Variants in CDC23 observed in about 807,000 individuals in gnomAD.
The protein encoded by CDC23 is cell division cycle protein 23 homolog.
CDC23 carries 26 observed loss-of-function variants against 81.7 expected under a neutral mutation model. That is an observed-to-expected ratio of 0.32 (90% confidence interval 0.23 to 0.44). The LOEUF is 0.44. Among genes scored for constraint, CDC23 ranks in the 20% least tolerant of loss-of-function variants. The probability of loss-of-function intolerance (pLI) is 1.00; values close to 1 mark genes in which losing one functional copy is unlikely to be tolerated. For missense variants in CDC23, 519 were observed against 728.0 expected (o/e 0.71, Z 3.30); for synonymous variants, 267 against 270.8 (o/e 0.99, Z 0.14).
intron 6 of CDC23, among the ~76,000 whole-genome samples, chr5:138,199,900 TG>T (rs1309721436): frequency 6.6e-6 from 1 of 152,192 alleles, no homozygotes; most frequent in Non-Finnish European, 1.5e-5. Context: ...AAATCACTAC[TG>T]GGGGAAATCA....
Position 138,191,907 on chromosome 5 carries a change from T to C in CDC23, c.1317A>G (p.Leu439=), listed in dbSNP as rs778418885. The C allele has an allele frequency of 1.9e-6, 3 of 1,614,158 alleles. No homozygotes were observed. In the South Asian group the frequency reaches 3.3e-5, roughly 18 times the overall value. The change falls in exon 12 of 16, where the codon TTA becomes TTG. Residue 439 remains leucine, a synonymous_variant. Transcript: ENST00000394886. The part of the protein sequence containing the change: ...RPNDSRMLVA[L]GECYEKLNQL... ...GATTGAGTTTCTCGTAACATTCTCC[T>C]AAAGCAACCAGCATGCGAGAATCAT...
At chr5:138,201,303 G>A in intron 5 of CDC23, 40 bp downstream of exon 5, 1 of 1,612,920 alleles carries the variant, frequency 6.2e-7, no homozygotes, top group Non-Finnish European at 8.5e-7. Flanking sequence ...CTACTCAGGA[G>A]AATATGTTAC....
At chr5:138,202,222 T>C in intron 3 of CDC23, 67 bp from the exon 4 acceptor site, 1 of 1,249,940 alleles carries the variant, frequency 8.0e-7, no homozygotes, top group Middle Eastern at 2.2e-4. Context: ...AAAACTAGCA[T>C]CCTGATCCTA....
At chr5:138,211,049 C>CA (rs1755106669) in intron 2 of CDC23, among the ~76,000 whole-genome samples, 1 of 151,982 alleles carries the variant, frequency 6.6e-6, no homozygotes, top group Non-Finnish European at 1.5e-5. Context: ...ATTATTCTAC[C>CA]AAAAAAACAT....
chr5:138,210,732 A>G (rs1446746810), intron 2 of CDC23, among the ~76,000 whole-genome samples: 3 of 152,230 alleles, frequency 2.0e-5, no homozygotes, highest in Non-Finnish European at 2.9e-5. Context: ...ACAAACCAAT[A>G]GCTAATACTT....
chr5:138,196,528 C>T (rs1754908770), intron 9 of CDC23, among the ~76,000 whole-genome samples: 1 of 151,404 alleles, frequency 6.6e-6, no homozygotes, highest in Non-Finnish European at 1.5e-5. Context: ...ACCTTATGAT[C>T]CACCCGCCTT....
At chr5:138,195,763 A>ATT (rs1300113448) in intron 9 of CDC23, among the ~76,000 whole-genome samples, 6 of 77,002 alleles carry the variant, frequency 7.8e-5, no homozygotes, top group Admixed American at 1.9e-4. Context: ...ATATACATAT[A>ATT]TTATATATGT....
intron 4 of CDC23, among the ~76,000 whole-genome samples, chr5:138,201,719 T>C (rs1754992084): frequency 6.6e-6 from 1 of 152,178 alleles, no homozygotes; most frequent in Admixed American, 6.6e-5. Flanking sequence ...AAACACAAGG[T>C]ACCAATGATA....
chr5:138,198,577 T>A, intron 7 of CDC23, 28 bp downstream of exon 7: 1 of 1,613,048 alleles, frequency 6.2e-7, no homozygotes, highest in East Asian at 2.2e-5. Flanking sequence ...CAGGGTCTGA[T>A]AGTATTTCAT....
chr5:138,196,496 C>A (rs1480994209), intron 9 of CDC23, among the ~76,000 whole-genome samples: 3 of 151,334 alleles, frequency 2.0e-5, no homozygotes, highest in Admixed American at 2.0e-4. Flanking sequence ...TCCATGTTGG[C>A]CAGGCTGGTC....
intron 3 of CDC23, among the ~76,000 whole-genome samples, chr5:138,205,429 G>A (rs764523047): frequency 1.2e-4 from 19 of 152,104 alleles, no homozygotes; most frequent in Non-Finnish European, 2.6e-4. Flanking sequence ...AAATAAGCCA[G>A]TCACAAAGAG....
At chr5:138,204,504 CAAAA>C (rs200166996) in intron 3 of CDC23, among the ~76,000 whole-genome samples, 2 of 106,126 alleles carry the variant, frequency 1.9e-5, no homozygotes. Context: ...GACTCCATTT[CAAAA>C]AAAAAAAAAA....
At chr5:138,198,151 C>G (rs1407804600) in intron 9 of CDC23, 48 bp downstream of exon 9, 1 of 1,369,842 alleles carries the variant, frequency 7.3e-7, no homozygotes. Flanking sequence ...ACATGTGTTA[C>G]TTATAATAAA....
At position 138,188,848 on chromosome 5, in the gene CDC23, C is replaced by A. The variant is rs1581481577; in HGVS notation, c.*130G>T. On this transcript the variant is annotated 3_prime_UTR_variant, in exon 16 of 16. Coordinates refer to ENST00000394886, the MANE Select transcript of CDC23 (RefSeq NM_004661.4). ...CTCTGAAGGTAATTATACAAGCTGT[C>A]CCTATGGAGCTGTTGCCATCTGTAG... is the stretch of plus-strand genomic sequence containing the variant. The A allele has an allele frequency of 9.1e-6, 7 of 766,456 alleles. No individual in the cohort carries two copies. The East Asian group carries it at 2.0e-4, about 22-fold the overall frequency. 47.5% of individuals were successfully genotyped at this position (766,456 alleles called of 1,614,324 possible).
At chr5:138,203,473 A>T (rs1374039696) in intron 3 of CDC23, among the ~76,000 whole-genome samples, 4 of 152,192 alleles carry the variant, frequency 2.6e-5, no homozygotes, top group Non-Finnish European at 5.9e-5. Context: ...CAGGGAGGGA[A>T]GATTTATAAA....
At chr5:138,196,165 C>T (rs1187557033) in intron 9 of CDC23, among the ~76,000 whole-genome samples, 1 of 151,216 alleles carries the variant, frequency 6.6e-6, no homozygotes, top group African/African-American at 2.4e-5. Flanking sequence ...TGACTGTATG[C>T]AGAAATTTTA....
chr5:138,188,814 T>G lies in CDC23; in HGVS notation c.*164A>C, dbSNP rs140181510. On this transcript the variant is annotated 3_prime_UTR_variant, in exon 16 of 16. Transcript: ENST00000394886. The stretch of plus-strand genomic sequence containing the variant: ...AATGTCTGTTCCTGCCAGGATTCTG[T>G]CAGTTGGCCTCTGAAGGTAATTATA... 217 of 534,798 alleles carry G rather than the reference T, an allele frequency of 4.1e-4. No homozygotes were observed. Among genetic ancestry groups the G allele is most frequent in the African/African-American group, 4.0e-3 (208 of 51,400 alleles). 33.1% of individuals were successfully genotyped at this position (534,798 alleles called of 1,614,324 possible).
Position 138,198,801 on chromosome 5 carries a change from G to A in CDC23, c.655-19C>T. ...ACTTCAGCTGGCAGCAGGAGAGAGA[G>A]GGACACACTTAATATAACTTGACCT... is the stretch of plus-strand genomic sequence containing the variant. On this transcript the variant is annotated intron_variant, in intron 6 of 15. Coordinates refer to ENST00000394886, the MANE Select transcript of CDC23 (RefSeq NM_004661.4). The A allele has an allele frequency of 6.2e-7, 1 of 1,609,772 alleles. No individual in the cohort carries two copies. The highest frequency in any genetic ancestry group is 8.5e-7 in the Non-Finnish European group (1 of 1,178,604).
intron 3 of CDC23, 163 bp downstream of exon 3, chr5:138,206,384 C>G (rs1363557960): frequency 4.3e-6 from 3 of 704,252 alleles, no homozygotes; most frequent in Non-Finnish European, 7.4e-6. Context: ...CTCTACCATC[C>G]TTTTTAACTT....
Sources: gnomAD v4.1 joint callset for allele counts (sites outside exome capture counted in the v4.1 genomes callset) on GRCh38, gnomAD v4.1.1 for gene constraint, MANE v1.5 for transcripts, NCBI Gene and HGNC (gene_info 2026-07-23, HGNC 2026-07-21) for gene names.